NCOA4: variants seen among roughly 807,000 people sequenced by gnomAD.
The protein encoded by NCOA4 is nuclear receptor coactivator 4, also known as 70 kDa AR-activator.
In NCOA4, 31 loss-of-function variants were observed where a neutral mutation model predicts 69.5. The observed-to-expected ratio is 0.45, with a 90% CI of 0.34 to 0.60. NCOA4 has a LOEUF of 0.60. Ranked by LOEUF, NCOA4 falls within the 20% of genes least tolerant of loss-of-function variation. The pLI, the probability that NCOA4 is intolerant of heterozygous loss-of-function variation, is 0.02. For missense variants in NCOA4, 600 were observed against 719.2 expected (o/e 0.83, Z 1.90); for synonymous variants, 228 against 252.4 (o/e 0.90, Z 0.92).
intron 4 of NCOA4, 136 bp from the exon 5 acceptor site, chr10:46,014,688 TATTC>T (rs1839433018): frequency 5.2e-6 from 4 of 769,168 alleles, no homozygotes; most frequent in Non-Finnish European, 4.2e-6. Flanking sequence ...ATAGATGGCT[TATTC>T]ATGTATCAGC....
At chr10:46,008,478 T>C (rs1340668582) in intron 9 of NCOA4, among the ~76,000 whole-genome samples, 1 of 152,138 alleles carries the variant, frequency 6.6e-6, no homozygotes, top group East Asian at 1.9e-4. Flanking sequence ...GCAAGAGAAG[T>C]AGAATTAGAA....
At chr10:46,024,657 C>T (rs926533966) in intron 1 of NCOA4, among the ~76,000 whole-genome samples, 1 of 152,222 alleles carries the variant, frequency 6.6e-6, no homozygotes, top group African/African-American at 2.4e-5. Context: ...ACTCAGACCA[C>T]TTTACATGTA....
chr10:46,022,583 C>T, intron 1 of NCOA4: 1 of 396,738 alleles, frequency 2.5e-6, no homozygotes, highest in Non-Finnish European at 5.1e-6. Flanking sequence ...GTCTCAGCCT[C>T]CCAGGTAGCT....
chr10:46,006,764 A>T (rs1382020004), intron 9 of NCOA4, among the ~76,000 whole-genome samples, 167 bp from the exon 10 acceptor site: 1 of 152,228 alleles, frequency 6.6e-6, no homozygotes, highest in Non-Finnish European at 1.5e-5. Flanking sequence ...TAAAGATGGT[A>T]AACTTTTCAT....
chr10:46,018,141 T>C (rs1554923690), intron 1 of NCOA4, among the ~76,000 whole-genome samples: 2 of 152,220 alleles, frequency 1.3e-5, no homozygotes, highest in African/African-American at 4.8e-5. Flanking sequence ...TAAGGCCAGT[T>C]TGTAAAGTTT....
At chr10:46,029,937 C>T (rs1002635706) in intron 1 of NCOA4, among the ~76,000 whole-genome samples, 1 of 152,112 alleles carries the variant, frequency 6.6e-6, no homozygotes, top group East Asian at 1.9e-4. Flanking sequence ...AGCTGTAAAA[C>T]AGAGATAATC....
intron 9 of NCOA4, 76 bp from the exon 10 acceptor site, chr10:46,006,673 G>C: frequency 7.1e-7 from 1 of 1,412,072 alleles, no homozygotes; most frequent in Non-Finnish European, 1.0e-6. Context: ...TTAAAGCTCC[G>C]ACTCATTTCC....
Position 46,006,433 on chromosome 10 carries a change from A to T in NCOA4, c.*159T>A, listed in dbSNP as rs1381028528. 1.0e-5 allele frequency: 8 copies of T among 768,258 alleles called. No individual in the cohort carries two copies. The East Asian group carries it at 2.1e-4, about 20-fold the overall frequency. 47.6% of individuals were successfully genotyped at this position (768,258 alleles called of 1,614,324 possible). On this transcript the variant is annotated 3_prime_UTR_variant, in exon 10 of 10. Coordinates refer to ENST00000581486, the MANE Select transcript of NCOA4 (RefSeq NM_001145263.2). ...TTTTTCTTTTAAACAGTAACTCATA[A>T]TCTGATGACTCACTTTGCTTTACTA... is the stretch of plus-strand genomic sequence containing the variant.
In NCOA4 at chr10:46,010,999, G is replaced by C; in HGVS notation, c.922C>G (p.Pro308Ala). ...EMDLSDWLVT[P>A]QESHKLRKPE... ...TTCCGCAGCTTATGGGATTCCTGGGGAGTCACTAGCCAATCTGATAGGTCC... is the reference window on the plus strand; with the variant it reads ...TTCCGCAGCTTATGGGATTCCTGGGCAGTCACTAGCCAATCTGATAGGTCC... Residue 308 changes from proline (P) to alanine (A), a missense_variant, in exon 8 of 10, where the codon CCC becomes GCC. Pro to Ala is a conservative substitution (Grantham distance 27). Coordinates refer to ENST00000581486, the MANE Select transcript of NCOA4 (RefSeq NM_001145263.2). 6.2e-7 allele frequency: 1 copy of C among 1,613,948 alleles called. No individual in the cohort carries two copies. Among genetic ancestry groups the C allele is most frequent in the Non-Finnish European group, 8.5e-7 (1 of 1,179,874 alleles).
At chr10:46,023,530 C>A (rs1840011472) in intron 1 of NCOA4, 1 of 985,416 alleles carries the variant, frequency 1.0e-6, no homozygotes, top group Non-Finnish European at 1.2e-6. Context: ...CCCATTGTTG[C>A]CCTGCTCCCA....
intron 1 of NCOA4, among the ~76,000 whole-genome samples, chr10:46,024,174 C>G (rs1840041585): frequency 6.6e-6 from 1 of 152,158 alleles, no homozygotes; most frequent in African/African-American, 2.4e-5. Flanking sequence ...GAAAATTTCT[C>G]CCTAATTCCA....
At chr10:46,023,388 C>T (rs1839997962) in intron 1 of NCOA4, 1 of 985,642 alleles carries the variant, frequency 1.0e-6, no homozygotes, top group Admixed American at 6.1e-5. Context: ...TGCTTTACCC[C>T]TGACCCGAGT....
intron 1 of NCOA4, among the ~76,000 whole-genome samples, chr10:46,028,876 A>G (rs1840299522): frequency 6.6e-6 from 1 of 152,094 alleles, no homozygotes; most frequent in Non-Finnish European, 1.5e-5. Context: ...AGCAGCAATG[A>G]CTGGCTCTGA....
At chr10:46,027,355 A>G in intron 1 of NCOA4, 1 of 1,287,718 alleles carries the variant, frequency 7.8e-7, no homozygotes, top group East Asian at 2.5e-5. Flanking sequence ...TTATGATTTA[A>G]CAATCAAAGA....
chr10:46,010,585 G>T lies in NCOA4; in HGVS notation c.1336C>A (p.Pro446Thr). The T allele has an allele frequency of 3.1e-6, 5 of 1,614,148 alleles. No homozygotes were observed. Among genetic ancestry groups the T allele is most frequent in the Non-Finnish European group, 4.2e-6 (5 of 1,180,016 alleles). The change falls in exon 8 of 10, where the codon CCC becomes ACC. Residue 446 changes from proline (P) to threonine (T), a missense_variant. Pro to Thr is a conservative substitution (Grantham distance 38, BLOSUM62 -1). Transcript: ENST00000581486. ...GKDKNGMPVEPKPEPEKHKDS... is the reference protein window; with the variant it reads ...GKDKNGMPVETKPEPEKHKDS... ...TTATGCTTCTCAGGCTCAGGTTTGGGTTCCACAGGCATCCCATTTTTATCC... is the reference window on the plus strand; with the variant it reads ...TTATGCTTCTCAGGCTCAGGTTTGGTTTCCACAGGCATCCCATTTTTATCC...
intron 1 of NCOA4, among the ~76,000 whole-genome samples, chr10:46,020,253 G>C (rs1417679623): frequency 6.6e-6 from 1 of 152,206 alleles, no homozygotes; most frequent in Non-Finnish European, 1.5e-5. Context: ...TCTGGAGTCT[G>C]ACAAACCTGA....
rs782600956 is a variant in NCOA4 at position 46,012,943 on chromosome 10, G to T, written c.654C>A (p.Tyr218Ter). The T allele has an allele frequency of 1.9e-6, 3 of 1,614,188 alleles. No individual in the cohort carries two copies. Among genetic ancestry groups the T allele is most frequent in the Admixed American group, 1.7e-5 (1 of 60,028 alleles). Reference sequence around the variant, plus strand: ...AGTCCTGGGGGTCGGTGCTGGGTATGTAAGGAGCTTGATAACCACTGGCAG... The same window carrying T: ...AGTCCTGGGGGTCGGTGCTGGGTATTTAAGGAGCTTGATAACCACTGGCAG... ...SKPASGYQAP[Y>*]IPSTDPQDWL... Residue 218 changes from tyrosine (Y) to a stop codon, truncating the protein, a stop_gained, in exon 7 of 10, where the codon TAC becomes TAA. Coordinates refer to ENST00000581486, the MANE Select transcript of NCOA4 (RefSeq NM_001145263.2). LOFTEE classifies it high-confidence loss of function.
chr10:46,014,829 T>G (rs1330130626), intron 4 of NCOA4, 25 bp downstream of exon 4: 18 of 1,590,420 alleles, frequency 1.1e-5, no homozygotes, highest in Non-Finnish European at 1.5e-5. Flanking sequence ...AGTCAAAAGT[T>G]AAAATACGCA....
intron 6 of NCOA4, 69 bp downstream of exon 6, chr10:46,013,481 C>A (rs1839354778): frequency 8.9e-7 from 1 of 1,120,218 alleles, no homozygotes; most frequent in Non-Finnish European, 1.3e-6. Flanking sequence ...TTTTTTAATG[C>A]TATATAAAAC....
Sources: gnomAD v4.1 joint callset for allele counts (sites outside exome capture counted in the v4.1 genomes callset) on GRCh38, gnomAD v4.1.1 for gene constraint, MANE v1.5 for transcripts, NCBI Gene and HGNC (gene_info 2026-07-23, HGNC 2026-07-21) for gene names.